The following ACSL3 variants were observed in gnomAD, a reference collection of about 807,000 sequenced individuals.
ACSL3 encodes the protein acyl-CoA synthetase long chain family member 3.
ACSL3 carries 34 observed loss-of-function variants against 84.7 expected under a neutral mutation model. That is an observed-to-expected ratio of 0.40 (90% CI 0.31 to 0.53). ACSL3 has a LOEUF of 0.53. Among genes scored for constraint, ACSL3 ranks in the 20% least tolerant of loss-of-function variants. The pLI, the probability that ACSL3 is intolerant of heterozygous loss-of-function variation, is 0.48. For synonymous variants in ACSL3, 315 were observed against 299.4 expected (o/e 1.05, Z -0.54); for missense variants, 680 against 873.1 (o/e 0.78, Z 2.79).
At chr2:222,927,810 T>C (rs547109754) in intron 12 of ACSL3, among the ~76,000 whole-genome samples, 1 of 152,362 alleles carries the variant, frequency 6.6e-6, no homozygotes, top group South Asian at 2.1e-4. Context: ...ATTTGCCATA[T>C]ACGGATAGAT....
chr2:222,911,089 GC>G (rs1200698734), intron 4 of ACSL3, among the ~76,000 whole-genome samples: 1 of 135,734 alleles, frequency 7.4e-6, no homozygotes, highest in East Asian at 2.1e-4. Context: ...CACTCTTGTT[GC>G]CCAGGCTGGA....
At chr2:222,925,412 G>T (rs1363428722) in intron 11 of ACSL3, among the ~76,000 whole-genome samples, 2 of 150,688 alleles carry the variant, frequency 1.3e-5, no homozygotes, top group East Asian at 3.9e-4. Context: ...ATCAAGACCA[G>T]CCTGGGCAAC....
At chr2:222,917,194 A>G (rs1402765792) in intron 5 of ACSL3, among the ~76,000 whole-genome samples, 4 of 152,032 alleles carry the variant, frequency 2.6e-5, no homozygotes, top group Admixed American at 1.3e-4. Flanking sequence ...GGTTCAAGCA[A>G]TTCTCCTGCC....
intron 5 of ACSL3, 117 bp from the exon 6 acceptor site, chr2:222,917,929 G>A: frequency 1.5e-6 from 1 of 675,744 alleles, no homozygotes; most frequent in Non-Finnish European, 2.5e-6. Context: ...CTTATAGACT[G>A]TGGATTTAAC....
At chr2:222,878,425 AT>A (rs1200443271) in intron 1 of ACSL3, among the ~76,000 whole-genome samples, 1 of 152,214 alleles carries the variant, frequency 6.6e-6, no homozygotes, top group Non-Finnish European at 1.5e-5. Flanking sequence ...CTTTAATGTC[AT>A]TGCTGCTTAT....
intron 1 of ACSL3, among the ~76,000 whole-genome samples, chr2:222,885,691 T>A (rs1454249034): frequency 1.3e-5 from 2 of 152,188 alleles, no homozygotes; most frequent in Non-Finnish European, 1.5e-5. Flanking sequence ...TCTGGAGTCA[T>A]AGCTAATAAG....
At chr2:222,864,904 T>G (rs1403761903) in intron 1 of ACSL3, among the ~76,000 whole-genome samples, 1 of 152,162 alleles carries the variant, frequency 6.6e-6, no homozygotes, top group Non-Finnish European at 1.5e-5. Flanking sequence ...CCAAAAATTG[T>G]CAAGAACTGT....
At chr2:222,885,615 G>T (rs1192607097) in intron 1 of ACSL3, among the ~76,000 whole-genome samples, 1 of 152,142 alleles carries the variant, frequency 6.6e-6, no homozygotes, top group African/African-American at 2.4e-5. Flanking sequence ...ACTGGCACAA[G>T]AAATTATTAA....
At chr2:222,914,134 G>A (rs533957721) in intron 4 of ACSL3, among the ~76,000 whole-genome samples, 1 of 152,268 alleles carries the variant, frequency 6.6e-6, no homozygotes, top group African/African-American at 2.4e-5. Context: ...TTTCTAAATA[G>A]TGAAAGTAAA....
At chr2:222,915,862 C>T (rs1298835658) in intron 4 of ACSL3, among the ~76,000 whole-genome samples, 1 of 152,196 alleles carries the variant, frequency 6.6e-6, no homozygotes, top group Non-Finnish European at 1.5e-5. Flanking sequence ...TTCTGTGAAT[C>T]ATTTTATACC....
At chr2:222,934,232 GTAAC>G (rs200275818) in intron 15 of ACSL3, among the ~76,000 whole-genome samples, 3 of 130,144 alleles carry the variant, frequency 2.3e-5, no homozygotes, top group East Asian at 9.0e-4. Context: ...TCTAATATTT[GTAAC>G]TTTCTTTTAA....
At position 222,908,981 on chromosome 2, in the gene ACSL3, C is replaced by A. The variant is rs1696369434; in HGVS notation, c.209C>A (p.Ser70Tyr). 6.2e-7 allele frequency: 1 copy of A among 1,613,518 alleles called. No individual in the cohort carries two copies. The highest frequency in any genetic ancestry group is 8.5e-7 in the Non-Finnish European group (1 of 1,179,824). Residue 70 changes from serine (S) to tyrosine (Y), a missense_variant, in exon 4 of 17, where the codon TCT (serine) becomes TAT (tyrosine). Coordinates refer to ENST00000357430, the MANE Select transcript of ACSL3 (RefSeq NM_004457.5). ...TCAAAACCTGATTCTGCATACAGAT[C>A]TGTTAATAGTTTGGATGGTTTGGCT... ...VNSKPDSAYR[S>Y]VNSLDGLASV...
chr2:222,914,762 A>G (rs1356524581), intron 4 of ACSL3, among the ~76,000 whole-genome samples: 1 of 152,216 alleles, frequency 6.6e-6, no homozygotes, highest in Admixed American at 6.5e-5. Context: ...CATAGGGACA[A>G]AGTTAGGATT....
chr2:222,901,053 C>T (rs1236672091), intron 3 of ACSL3, among the ~76,000 whole-genome samples: 1 of 152,204 alleles, frequency 6.6e-6, no homozygotes, highest in East Asian at 1.9e-4. Flanking sequence ...CATCCCTACT[C>T]CCACTCCCCT....
chr2:222,908,136 A>G (rs537895878), intron 3 of ACSL3, among the ~76,000 whole-genome samples: 21 of 152,206 alleles, frequency 1.4e-4, no homozygotes, highest in Non-Finnish European at 2.4e-4. Flanking sequence ...TTTTCAATAA[A>G]TCTGATGAAT....
chr2:222,929,668 C>T (rs1280637034), intron 13 of ACSL3, among the ~76,000 whole-genome samples: 1 of 151,942 alleles, frequency 6.6e-6, no homozygotes, highest in Non-Finnish European at 1.5e-5. Context: ...ATTCCAGCTA[C>T]TCGGGAGGCT....
chr2:222,916,604 A>G, intron 5 of ACSL3, 108 bp downstream of exon 5: 1 of 1,237,492 alleles, frequency 8.1e-7, no homozygotes, highest in South Asian at 1.9e-5. Context: ...CCCAGTGTCC[A>G]GTTAGTGGAG....
At chr2:222,933,339 C>G in intron 15 of ACSL3, 59 bp downstream of exon 15, 3 of 1,265,624 alleles carry the variant, frequency 2.4e-6, no homozygotes, top group Non-Finnish European at 3.4e-6. Flanking sequence ...ATAGACATTT[C>G]CTACCTGTAT....
chr2:222,869,940 A>G (rs1695255874), intron 1 of ACSL3, among the ~76,000 whole-genome samples: 2 of 152,186 alleles, frequency 1.3e-5, no homozygotes, highest in African/African-American at 4.8e-5. Flanking sequence ...TAAACCTTCT[A>G]GGAATAGAAA....
Sources: gnomAD v4.1 joint callset for allele counts (sites outside exome capture counted in the v4.1 genomes callset) on GRCh38, gnomAD v4.1.1 for gene constraint, MANE v1.5 for transcripts, NCBI Gene and HGNC (gene_info 2026-07-23, HGNC 2026-07-21) for gene names.